Variants in HDAC4 observed in about 807,000 individuals in gnomAD.
HDAC4 encodes histone deacetylase 4, also known as histone deacetylase A.
A neutral mutation model predicts 135.1 loss-of-function variants in HDAC4; 16 were observed. The observed-to-expected ratio is 0.12, with a 90% confidence interval of 0.08 to 0.18. The LOEUF (loss-of-function observed/expected upper bound fraction) is 0.18, where lower values mean the gene tolerates loss of function less well. Among genes scored for constraint, HDAC4 ranks in the 10% least tolerant of loss-of-function variants. HDAC4 has a pLI of 1.00. For missense variants in HDAC4, 1,143 were observed against 1,511.8 expected, an observed-to-expected ratio of 0.76 and a Z score of 4.05; for synonymous variants, 685 against 653.4, an observed-to-expected ratio of 1.05 and a Z score of -0.74.
At chr2:239,394,165 T>C (rs1441638440) in intron 1 of HDAC4, among the ~76,000 whole-genome samples, 1 of 152,126 alleles carries the variant, frequency 6.6e-6, no homozygotes, top group African/African-American at 2.4e-5. Context: ...GACTTTCAGG[T>C]CCTAAGAACT....
Position 239,306,327 on chromosome 2 carries a change from C to G in HDAC4, c.22+46351G>C, listed in dbSNP as rs564647816. 5.1e-4 allele frequency among the ~76,000 whole-genome samples: 77 copies of G among 152,282 alleles called. No homozygotes were observed. The highest frequency in any genetic ancestry group is 1.8e-3 in the African/African-American group (73 of 41,568). ...ATCCACAGGTGGGTGAGCTCCCACC[C>G]AGGTCCAGCAAGTCAGTGACTACAA... On this transcript the variant is annotated intron_variant, in intron 2 of 26. Coordinates refer to ENST00000543185, the MANE Select transcript of HDAC4 (RefSeq NM_001378414.1). This position sits in a 1 kb window ranked among gnomAD's most constrained non-coding sequence, Gnocchi z 4.5.
In HDAC4 at chr2:239,094,364, G is replaced by T. The variant is rs1394418580; in HGVS notation, c.2280+646C>A. ...GACGGATGGGCAGATGCCCAGACTG[G>T]AAAGTCCTTGTGAACTTATGCGCCC... On this transcript the variant is annotated intron_variant, in intron 17 of 26. Transcript: ENST00000543185. 5 of 985,308 alleles carry T rather than the reference G, an allele frequency of 5.1e-6. No individual in the cohort carries two copies. The African/African-American group carries it at 8.7e-5, about 17-fold the overall frequency. 61.0% of individuals were successfully genotyped at this position (985,308 alleles called of 1,614,324 possible). A position where few individuals can be genotyped will look rare whatever the true frequency, so the allele number is the denominator to read the frequency against.
chr2:239,397,295 G>A (rs1296494847), intron 1 of HDAC4, among the ~76,000 whole-genome samples: 1 of 152,178 alleles, frequency 6.6e-6, no homozygotes, highest in Non-Finnish European at 1.5e-5. Context: ...TCCTCCAGAG[G>A]TAGAGCCCAC....
chr2:239,119,228 G>A (rs547098205), intron 12 of HDAC4, among the ~76,000 whole-genome samples: 6 of 152,340 alleles, frequency 3.9e-5, no homozygotes, highest in Admixed American at 2.0e-4. Flanking sequence ...ACCGGAGGGA[G>A]AGCAAAGAAC....
At chr2:239,082,272 G>A (rs1446719063) in intron 20 of HDAC4, 51 bp from the exon 21 acceptor site, 2 of 1,612,992 alleles carry the variant, frequency 1.2e-6, no homozygotes, top group Non-Finnish European at 1.7e-6. Flanking sequence ...ATTGGAGGGT[G>A]GCCTCCCCTG....
At chr2:239,196,449 A>C (rs2045388192) in intron 3 of HDAC4, among the ~76,000 whole-genome samples, 1 of 152,196 alleles carries the variant, frequency 6.6e-6, no homozygotes, top group Non-Finnish European at 1.5e-5. Flanking sequence ...TAACATCTGC[A>C]TATATGTGGC....
At chr2:239,229,557 A>C (rs2047423908) in intron 3 of HDAC4, among the ~76,000 whole-genome samples, 1 of 152,228 alleles carries the variant, frequency 6.6e-6, no homozygotes, top group Admixed American at 6.5e-5. Flanking sequence ...AGCCTCAGGA[A>C]GTCTGTGCCT....
intron 2 of HDAC4, among the ~76,000 whole-genome samples, chr2:239,287,461 G>A (rs1471236225): frequency 6.6e-6 from 1 of 152,214 alleles, no homozygotes; most frequent in African/African-American, 2.4e-5. Context: ...AAGGTGTACT[G>A]TTGACACGAC....
intron 1 of HDAC4, among the ~76,000 whole-genome samples, chr2:239,386,389 G>C (rs1388151012): frequency 6.6e-6 from 1 of 152,212 alleles, no homozygotes; most frequent in African/African-American, 2.4e-5. Context: ...GCAGATGAGT[G>C]TGTCCCAACC....
At chr2:239,278,660 A>T (rs1209074673) in intron 2 of HDAC4, among the ~76,000 whole-genome samples, 1 of 152,204 alleles carries the variant, frequency 6.6e-6, no homozygotes, top group Non-Finnish European at 1.5e-5. Flanking sequence ...TGACAGAGGG[A>T]GACTGTCTCA....
rs993147395 is a variant in HDAC4 at position 239,331,785 on chromosome 2, A to G, written c.22+20893T>C. ...CACGAGGAGCCCAGGCCTGGGAGAG[A>G]AGGGAGGTGGAAAGAGGGCACACTC... On this transcript the variant is annotated intron_variant, in intron 2 of 26. Coordinates refer to ENST00000543185, the MANE Select transcript of HDAC4 (RefSeq NM_001378414.1). The surrounding 1 kb of genome is among the most constrained non-coding windows in gnomAD (Gnocchi z 4.5). Among the ~76,000 whole-genome samples, 2 of 152,092 alleles carry G rather than the reference A, an allele frequency of 1.3e-5. No homozygotes were observed. Among genetic ancestry groups the G allele is most frequent in the East Asian group, 1.9e-4 (1 of 5,174 alleles).
chr2:239,203,442 C>T (rs958316163), intron 3 of HDAC4, among the ~76,000 whole-genome samples: 73 of 152,174 alleles, frequency 4.8e-4, no homozygotes, highest in African/African-American at 1.6e-3. Flanking sequence ...TTGGAAAATA[C>T]AAAAATTACA....
chr2:239,103,688 C>A (rs983477260), intron 15 of HDAC4, among the ~76,000 whole-genome samples: 1 of 152,216 alleles, frequency 6.6e-6, no homozygotes, highest in Non-Finnish European at 1.5e-5. Flanking sequence ...CCGACTGCAG[C>A]CCTGCCCCAG....
intron 2 of HDAC4, among the ~76,000 whole-genome samples, chr2:239,301,479 T>TTTA (rs1553603655): frequency 1.0e-4 from 15 of 150,236 alleles, no homozygotes; most frequent in South Asian, 4.2e-4. Flanking sequence ...TTCTTTTTTT[T>TTTA]TTTTTTTATT....
chr2:239,091,097 C>A (rs1430685184), intron 17 of HDAC4: 1 of 152,286 alleles, frequency 6.6e-6, no homozygotes, highest in Non-Finnish European at 1.5e-5. Context: ...GTGTTTCACA[C>A]AAACACGTCA....
chr2:239,322,488 A>T (rs1452813609), intron 2 of HDAC4, among the ~76,000 whole-genome samples: 1 of 152,246 alleles, frequency 6.6e-6, no homozygotes, highest in Non-Finnish European at 1.5e-5. Flanking sequence ...CACTTAGCAA[A>T]GTGCCTGTGC....
intron 2 of HDAC4, among the ~76,000 whole-genome samples, chr2:239,267,849 G>A (rs1273388035): frequency 1.3e-5 from 2 of 152,250 alleles, no homozygotes; most frequent in Admixed American, 6.5e-5. Context: ...CCAGCCGCTT[G>A]CCATTGTTCC....
intron 5 of HDAC4, among the ~76,000 whole-genome samples, chr2:239,172,537 A>G (rs892773233): frequency 2.6e-5 from 4 of 152,108 alleles, no homozygotes; most frequent in African/African-American, 9.6e-5. Context: ...ATAGCTATAT[A>G]AGCATATGTT....
chr2:239,265,790 C>G (rs1369638153), intron 2 of HDAC4, among the ~76,000 whole-genome samples: 4 of 152,222 alleles, frequency 2.6e-5, no homozygotes, highest in Non-Finnish European at 4.4e-5. Flanking sequence ...CTTCCAAACA[C>G]CATTTTAAGG....
Sources: allele counts gnomAD v4.1 joint callset (sites outside exome capture counted in the v4.1 genomes callset), GRCh38; gene constraint gnomAD v4.1.1; non-coding constraint Gnocchi (gnomAD v3.1); transcripts MANE v1.5; gene names NCBI Gene and HGNC (gene_info 2026-07-23, HGNC 2026-07-21).